Variants in PLEKHA7 observed in about 807,000 individuals in gnomAD.
The protein encoded by PLEKHA7 is pleckstrin homology domain-containing family A member 7.
Under a neutral mutation model 170.0 loss-of-function variants are expected in PLEKHA7, and 104 were observed. The observed-to-expected ratio is 0.61, with a 90% confidence interval of 0.52 to 0.72. The LOEUF is 0.72. Among genes scored for constraint, PLEKHA7 ranks in the 30% least tolerant of loss-of-function variants. The pLI, the probability that PLEKHA7 is intolerant of heterozygous loss-of-function variation, is 0.00. For synonymous variants in PLEKHA7, 648 were observed against 660.8 expected, an observed-to-expected ratio of 0.98 and a Z score of 0.30; for missense variants, 1,615 against 1,671.7, an observed-to-expected ratio of 0.97 and a Z score of 0.59.
At chr11:16,924,450 T>C (rs1227375416) in intron 3 of PLEKHA7, among the ~76,000 whole-genome samples, 1 of 152,206 alleles carries the variant, frequency 6.6e-6, no homozygotes, top group East Asian at 1.9e-4. Context: ...TTTCAGACTC[T>C]ACCTGCTGAG....
At chr11:16,979,027 TTTGTTG>T (rs899165571) in intron 3 of PLEKHA7, among the ~76,000 whole-genome samples, 1 of 151,964 alleles carries the variant, frequency 6.6e-6, no homozygotes, top group Non-Finnish European at 1.5e-5. Context: ...ACCTGATTCT[TTTGTTG>T]TTGTTGTTGT....
intron 13 of PLEKHA7, among the ~76,000 whole-genome samples, chr11:16,808,908 G>C (rs1407007084): frequency 6.6e-6 from 1 of 152,208 alleles, no homozygotes; most frequent in Admixed American, 6.5e-5. Flanking sequence ...TGTGAAGTCA[G>C]TTGCTGCGTA....
chr11:16,991,732 T>C (rs1864055897), intron 3 of PLEKHA7, among the ~76,000 whole-genome samples: 1 of 152,126 alleles, frequency 6.6e-6, no homozygotes, highest in African/African-American at 2.4e-5. Context: ...CCACTTTGTA[T>C]GTGAGATAGG....
At chr11:16,834,205 C>A (rs1851339812) in intron 9 of PLEKHA7, among the ~76,000 whole-genome samples, 1 of 151,428 alleles carries the variant, frequency 6.6e-6, no homozygotes. Flanking sequence ...AGCATTTTGC[C>A]ATGTTGGCCA....
chr11:16,957,697 C>CTTTT (rs1169142909), intron 3 of PLEKHA7, among the ~76,000 whole-genome samples: 10 of 87,296 alleles, frequency 1.1e-4, no homozygotes, highest in African/African-American at 3.5e-4. Context: ...TAATTTTTTT[C>CTTTT]TTTTTTTTTT....
chr11:16,794,563 C>T lies in PLEKHA7; in HGVS notation c.2670G>A (p.Pro890=), dbSNP rs369109102. Residue 890 remains proline, a synonymous_variant, in exon 19 of 27, where the codon CCG becomes CCA. Coordinates refer to ENST00000531066, the MANE Select transcript of PLEKHA7 (RefSeq NM_001329630.2). Reference sequence around the variant, plus strand: ...TCAGCTGGGGTGGGTGAGGTCGGTACGGCACGTAGGTTTGCAGCTGGGGGA... The same window carrying T: ...TCAGCTGGGGTGGGTGAGGTCGGTATGGCACGTAGGTTTGCAGCTGGGGGA... ...RLFPQLQTYV[P]YRPHPPQLRK... is the part of the protein sequence containing the mutation. 160 of 1,613,532 alleles carry T rather than the reference C, an allele frequency of 9.9e-5. 1 individual carries two copies. The South Asian group carries it at 1.5e-3, about 15-fold the overall frequency.
At chr11:16,893,741 C>CAGCACAG in intron 3 of PLEKHA7, among the ~76,000 whole-genome samples, 1 of 152,244 alleles carries the variant, frequency 6.6e-6, no homozygotes, top group African/African-American at 2.4e-5. Flanking sequence ...CTTACTCTTA[C>CAGCACAG]TCCGTAAACC....
At chr11:16,860,459 T>C (rs560308716) in intron 4 of PLEKHA7, among the ~76,000 whole-genome samples, 30 of 152,220 alleles carry the variant, frequency 2.0e-4, no homozygotes, top group African/African-American at 6.7e-4. Flanking sequence ...CTGCAACAAG[T>C]GGTCACCAAG....
intron 3 of PLEKHA7, among the ~76,000 whole-genome samples, chr11:16,993,920 G>A (rs750202089): frequency 9.9e-5 from 15 of 152,202 alleles, no homozygotes; most frequent in Non-Finnish European, 1.6e-4. Context: ...GAAACAAGGA[G>A]GTGCAAGGTG....
chr11:16,791,242 C>G lies in PLEKHA7; in HGVS notation c.2746-43G>C, dbSNP rs375592416. On this transcript the variant is annotated intron_variant, in intron 19 of 26. Transcript: ENST00000531066. This position sits in a 1 kb window ranked among gnomAD's most constrained non-coding sequence, Gnocchi z 4.5. ...CAGACCAGTGGTCAGCGAGACGGAG[C>G]TGGAGGGAGGACTGCTAGGTACTGC... 37 of 1,531,036 alleles carry G rather than the reference C, an allele frequency of 2.4e-5. No individual in the cohort carries two copies. In the Middle Eastern group the frequency reaches 5.3e-4, roughly 22 times the overall value. The allele number at this position is 1,531,036 out of a possible 1,614,324, so 94.8% of individuals were successfully genotyped here.
At chr11:16,915,892 T>G (rs1420541597) in intron 3 of PLEKHA7, among the ~76,000 whole-genome samples, 1 of 150,472 alleles carries the variant, frequency 6.6e-6, no homozygotes, top group Non-Finnish European at 1.5e-5. Context: ...ATGGGATGGC[T>G]GGGTCAAATG....
intron 17 of PLEKHA7, among the ~76,000 whole-genome samples, chr11:16,798,570 CCTG>C (rs1327576816): frequency 6.6e-6 from 1 of 152,098 alleles, no homozygotes; most frequent in South Asian, 2.1e-4. Context: ...AGATATTTAA[CCTG>C]CTAATAACTA....
intron 13 of PLEKHA7, among the ~76,000 whole-genome samples, chr11:16,805,218 C>T (rs1848874140): frequency 6.6e-6 from 1 of 152,140 alleles, no homozygotes; most frequent in Admixed American, 6.5e-5. Context: ...CAGAGGATGT[C>T]TTTTTGATAC....
intron 9 of PLEKHA7, among the ~76,000 whole-genome samples, chr11:16,840,468 G>A (rs1851862369): frequency 6.6e-6 from 1 of 152,174 alleles, no homozygotes; most frequent in African/African-American, 2.4e-5. Flanking sequence ...GCTAAGGCAG[G>A]AGAATCGCTT....
At chr11:16,946,406 A>G (rs927495553) in intron 3 of PLEKHA7, among the ~76,000 whole-genome samples, 4 of 152,146 alleles carry the variant, frequency 2.6e-5, no homozygotes, top group African/African-American at 7.2e-5. Flanking sequence ...CTCACTCCCT[A>G]TGACCAGGCA....
chr11:17,003,698 G>A (rs1487792953), intron 3 of PLEKHA7, among the ~76,000 whole-genome samples: 1 of 152,162 alleles, frequency 6.6e-6, no homozygotes, highest in East Asian at 1.9e-4. Flanking sequence ...CACACACTTG[G>A]ATACCGTCTC....
intron 3 of PLEKHA7, among the ~76,000 whole-genome samples, chr11:16,903,705 G>A (rs901854845): frequency 1.3e-5 from 2 of 152,154 alleles, no homozygotes; most frequent in Non-Finnish European, 2.9e-5. Flanking sequence ...TTCTCACAAC[G>A]TCCAAATTAC....
intron 3 of PLEKHA7, among the ~76,000 whole-genome samples, chr11:16,946,053 T>G (rs1446342858): frequency 1.3e-5 from 2 of 152,180 alleles, no homozygotes; most frequent in Non-Finnish European, 2.9e-5. Context: ...TGTCGTTTCC[T>G]CCTCACTTAG....
intron 3 of PLEKHA7, among the ~76,000 whole-genome samples, chr11:16,982,806 C>CACACAT (rs1554990150): frequency 6.9e-6 from 1 of 145,294 alleles, no homozygotes; most frequent in Admixed American, 7.0e-5. Flanking sequence ...CACACACACA[C>CACACAT]GGAGAAAGAG....
Sources: gnomAD v4.1 joint callset for allele counts (sites outside exome capture counted in the v4.1 genomes callset) on GRCh38, gnomAD v4.1.1 for gene constraint, Gnocchi (gnomAD v3.1) non-coding constraint, MANE v1.5 for transcripts, NCBI Gene and HGNC (gene_info 2026-07-23, HGNC 2026-07-21) for gene names.